Variants in PSG5 observed in about 807,000 individuals in gnomAD.
PSG5 encodes the protein pregnancy specific beta-1-glycoprotein 5, also known as pregnancy-specific beta-1-glycoprotein 5.
A neutral mutation model predicts 37.7 loss-of-function variants in PSG5; 53 were observed. That is an observed-to-expected ratio of 1.41 (90% CI 1.13 to 1.77). The LOEUF (loss-of-function observed/expected upper bound fraction) is 1.77. Ranked by LOEUF, PSG5 falls within the 40% of genes most tolerant of loss-of-function variation. The pLI, the probability that PSG5 is intolerant of heterozygous loss-of-function variation, is 0.00. For synonymous variants in PSG5, 221 were observed against 155.4 expected, an observed-to-expected ratio of 1.42 and a Z score of -3.14; for missense variants, 547 against 405.2, an observed-to-expected ratio of 1.35 and a Z score of -3.00.
chr19:43,185,439 C>T (rs77898922), intron 1 of PSG5, among the ~76,000 whole-genome samples: 17 of 149,816 alleles, frequency 1.1e-4, no homozygotes, highest in African/African-American at 1.7e-4. Context: ...ACCCCCCCCC[C>T]CCCACACTGC....
Position 43,174,662 on chromosome 19 carries a change from A to G in PSG5, c.964+553T>C, listed in dbSNP as rs145937249. 4.3e-4 allele frequency: 419 copies of G among 980,460 alleles called. 8 individuals are homozygous for G. In the African/African-American group the frequency reaches 6.7e-3, roughly 16 times the overall value. The allele number at this position is 980,460 out of a possible 1,614,324, so 60.7% of individuals were successfully genotyped here. On this transcript the variant is annotated intron_variant, in intron 4 of 5. Coordinates refer to ENST00000342951, the MANE Select transcript of PSG5 (RefSeq NM_002781.4). ...GCCAAATTCAGGACAGGCCACCAGG[A>G]CTCTTTCTCCACACATGCTGGTCCC...
chr19:43,181,572 G>T (rs1160635335), intron 2 of PSG5, among the ~76,000 whole-genome samples: 5 of 151,494 alleles, frequency 3.3e-5, no homozygotes, highest in Non-Finnish European at 7.4e-5. Flanking sequence ...CATTCTCCTG[G>T]CTCAGCCTAC....
At chr19:43,175,579 C>T in intron 3 of PSG5, 110 bp from the exon 4 acceptor site, 1 of 1,477,052 alleles carries the variant, frequency 6.8e-7, no homozygotes, top group South Asian at 1.4e-5. Context: ...CCCTCAAGTC[C>T]CAGCCGAACC....
chr19:43,183,293 A>G (rs9749419), intron 2 of PSG5: 147,421 of 365,834 alleles, frequency 0.4, 29,985 homozygotes, highest in East Asian at 0.61. Context: ...GGGATGAAAC[A>G]TGGATGTCAG....
rs769523637 is a variant in PSG5, at chr19:43,175,313, G to A, written c.866C>T (p.Pro289Leu). 5.0e-6 allele frequency: 8 copies of A among 1,612,800 alleles called. No homozygotes were observed. The highest frequency in any genetic ancestry group is 3.3e-5 in the Admixed American group (2 of 59,930). ...FQQSGQKLSI[P>L]QITTKHRGLY... The stretch of plus-strand genomic sequence containing the variant: ...CCCTCTATGCTTTGTAGTAATTTGG[G>A]GGATAGAGAGCTTTTGTCCTGATTG... Residue 289 changes from proline to leucine, a missense_variant, in exon 4 of 6, where the codon CCC (proline) becomes CTC (leucine). By Grantham distance (98) the Pro-to-Leu change is moderately conservative. Transcript: ENST00000342951.
intron 2 of PSG5, among the ~76,000 whole-genome samples, chr19:43,180,995 T>C (rs893340816): frequency 6.6e-6 from 1 of 151,742 alleles, no homozygotes; most frequent in South Asian, 2.1e-4. Context: ...GCTTTCTTCA[T>C]TTTCTCTTAA....
At chr19:43,186,249 C>A in intron 1 of PSG5, 93 bp downstream of exon 1, 5 of 1,589,454 alleles carry the variant, frequency 3.1e-6, no homozygotes, top group Non-Finnish European at 4.3e-6. Context: ...GTGCTGGCTT[C>A]TTTTATTTTT....
intron 2 of PSG5, chr19:43,178,798 G>A: frequency 6.2e-7 from 1 of 1,609,874 alleles, no homozygotes; most frequent in Non-Finnish European, 8.5e-7. Flanking sequence ...ACTTGGACCT[G>A]AGAGGGACTG....
chr19:43,181,482 A>C lies in PSG5; in HGVS notation c.430+3300T>G, dbSNP rs540511222. Among the ~76,000 whole-genome samples, 65 of 151,622 alleles carry C rather than the reference A, an allele frequency of 4.3e-4. 3 individuals are homozygous for C. The highest frequency in any genetic ancestry group is 3.4e-3 in the Middle Eastern group (1 of 294). On this transcript the variant is annotated intron_variant, in intron 2 of 5. Coordinates refer to ENST00000342951, the MANE Select transcript of PSG5 (RefSeq NM_002781.4). ...CTAACAGCATTTTTTTTTCTGAGAC[A>C]GAGTCTCTCTCTTTCACCCAGGCTG... is the stretch of plus-strand genomic sequence containing the variant.
chr19:43,182,190 A>C (rs1017055064), intron 2 of PSG5, among the ~76,000 whole-genome samples: 1 of 151,696 alleles, frequency 6.6e-6, no homozygotes, highest in Non-Finnish European at 1.5e-5. Context: ...TACTTTGCCC[A>C]GGGATGGCCT....
chr19:43,183,187 A>T (rs1969166914), intron 2 of PSG5: 1 of 270,912 alleles, frequency 3.7e-6, no homozygotes, highest in South Asian at 3.4e-5. Flanking sequence ...CCCCAGTTCC[A>T]CAGTCCAGGA....
At chr19:43,185,317 G>T (rs527721998) in intron 1 of PSG5, among the ~76,000 whole-genome samples, 170 bp from the exon 2 acceptor site, 3 of 151,288 alleles carry the variant, frequency 2.0e-5, no homozygotes, top group South Asian at 4.2e-4. Context: ...GTGTATGTGT[G>T]TGTGTCCTAC....
chr19:43,176,309 G>A (rs1969010791), intron 2 of PSG5, among the ~76,000 whole-genome samples, 161 bp from the exon 3 acceptor site: 1 of 151,588 alleles, frequency 6.6e-6, no homozygotes, highest in African/African-American at 2.4e-5. Context: ...GATGATCTAA[G>A]GGCTCAAAGA....
intron 4 of PSG5, among the ~76,000 whole-genome samples, chr19:43,172,856 T>C (rs1377950849): frequency 1.3e-5 from 2 of 151,514 alleles, no homozygotes; most frequent in Non-Finnish European, 2.9e-5. Context: ...CTCAGTGACA[T>C]TTTTGCAGAA....
chr19:43,168,968 A>G (rs1461114169), intron 5 of PSG5, among the ~76,000 whole-genome samples: 1 of 151,590 alleles, frequency 6.6e-6, no homozygotes, highest in Non-Finnish European at 1.5e-5. Flanking sequence ...AGAGTTCTCC[A>G]TCCTTGTTAC....
intron 4 of PSG5, chr19:43,170,470 A>C: frequency 2.2e-6 from 1 of 446,568 alleles, no homozygotes; most frequent in Non-Finnish European, 4.3e-6. Context: ...TCTTTTTCTC[A>C]GTCTCTCTGT....
intron 4 of PSG5, among the ~76,000 whole-genome samples, chr19:43,172,594 A>G (rs551430663): frequency 6.6e-6 from 1 of 151,852 alleles, no homozygotes; most frequent in East Asian, 1.9e-4. Context: ...AACATGAACA[A>G]TCTGAAGGGA....
rs751191890 is a variant in PSG5, at chr19:43,184,776, A to G, written c.430+6T>C. 2 of 1,611,940 alleles carry G rather than the reference A, an allele frequency of 1.2e-6. No individual in the cohort carries two copies. Among genetic ancestry groups the G allele is most frequent in the East Asian group, 4.5e-5 (2 of 44,862 alleles). ...CAACACCCAGGGATCATGTGGAATC[A>G]CTCACGGTATAAGTTGAAGGTGAAA... On this transcript the variant is annotated splice_donor_region_variant and intron_variant, in intron 2 of 5. Transcript: ENST00000342951.
intron 2 of PSG5, among the ~76,000 whole-genome samples, chr19:43,179,409 G>A (rs868216224): frequency 1.3e-5 from 2 of 151,636 alleles, no homozygotes; most frequent in South Asian, 2.1e-4. Flanking sequence ...GTCATGGAAA[G>A]ACACAGGACC....
Sources: gnomAD v4.1 joint callset for allele counts (sites outside exome capture counted in the v4.1 genomes callset) on GRCh38, gnomAD v4.1.1 for gene constraint, MANE v1.5 for transcripts, NCBI Gene and HGNC (gene_info 2026-07-23, HGNC 2026-07-21) for gene names.